UBASH3B: variants seen among roughly 807,000 people sequenced by gnomAD.
UBASH3B encodes ubiquitin-associated and SH3 domain-containing protein B.
UBASH3B carries 37 observed loss-of-function variants against 83.4 expected under a neutral mutation model. The observed-to-expected ratio is 0.44, with a 90% CI of 0.34 to 0.58. The LOEUF (loss-of-function observed/expected upper bound fraction) is 0.58. Ranked by LOEUF, UBASH3B falls within the 20% of genes least tolerant of loss-of-function variation. UBASH3B has a pLI of 0.01. For synonymous variants in UBASH3B, 304 were observed against 318.3 expected (o/e 0.96, Z 0.48); for missense variants, 657 against 827.2 (o/e 0.79, Z 2.52).
At chr11:122,710,870 G>C (rs1372632586) in intron 1 of UBASH3B, among the ~76,000 whole-genome samples, 1 of 152,096 alleles carries the variant, frequency 6.6e-6, no homozygotes, top group African/African-American at 2.4e-5. Flanking sequence ...GGTGGTGGGG[G>C]TGGAGATGGT....
At chr11:122,807,712 A>C (rs1387380307) in intron 12 of UBASH3B, among the ~76,000 whole-genome samples, 1 of 151,952 alleles carries the variant, frequency 6.6e-6, no homozygotes, top group African/African-American at 2.4e-5. Context: ...CACCACACCC[A>C]GCTAATTTTT....
chr11:122,666,031 G>A (rs1320577775), intron 1 of UBASH3B, among the ~76,000 whole-genome samples: 2 of 152,194 alleles, frequency 1.3e-5, no homozygotes, highest in African/African-American at 2.4e-5. Flanking sequence ...GGCTGTTCTC[G>A]TGCAGAGTGG....
chr11:122,696,730 A>C (rs558559213), intron 1 of UBASH3B, among the ~76,000 whole-genome samples: 6 of 152,360 alleles, frequency 3.9e-5, no homozygotes, highest in African/African-American at 1.4e-4. Context: ...CAGCCACATC[A>C]GAGCAGAATT....
intron 6 of UBASH3B, among the ~76,000 whole-genome samples, chr11:122,791,370 AC>A (rs1861050551): frequency 6.6e-6 from 1 of 152,206 alleles, no homozygotes; most frequent in Non-Finnish European, 1.5e-5. Context: ...TAATAATTGC[AC>A]TTACCTCATA....
chr11:122,806,824 G>C lies in UBASH3B; in HGVS notation c.1702+308G>C, dbSNP rs1035783325. 1.3e-5 allele frequency among the ~76,000 whole-genome samples: 2 copies of C among 152,124 alleles called. No homozygotes were observed. Among genetic ancestry groups the C allele is most frequent in the Admixed American group, 1.3e-4 (2 of 15,264 alleles). On this transcript the variant is annotated intron_variant, in intron 12 of 13. Coordinates refer to ENST00000284273, the MANE Select transcript of UBASH3B (RefSeq NM_032873.5). This position sits in a 1 kb window ranked among gnomAD's most constrained non-coding sequence, Gnocchi z 4.0. ...TTTCCAAAAGCTCTAGCATGCCACT[G>C]TTTTGCCTATAATTGATGCAGCGGC...
At chr11:122,715,407 G>A (rs1860503289) in intron 1 of UBASH3B, among the ~76,000 whole-genome samples, 1 of 152,242 alleles carries the variant, frequency 6.6e-6, no homozygotes, top group Non-Finnish European at 1.5e-5. Flanking sequence ...TAGCGCTGCT[G>A]TCAGTGTCTG....
At chr11:122,732,211 C>G (rs1310504947) in intron 1 of UBASH3B, among the ~76,000 whole-genome samples, 1 of 152,090 alleles carries the variant, frequency 6.6e-6, no homozygotes, top group African/African-American at 2.4e-5. Flanking sequence ...CTGGTACCCC[C>G]ACAGAAGCCA....
At chr11:122,745,566 C>A (rs1046170769) in intron 1 of UBASH3B, among the ~76,000 whole-genome samples, 1 of 152,204 alleles carries the variant, frequency 6.6e-6, no homozygotes, top group Non-Finnish European at 1.5e-5. Flanking sequence ...CTTTTTCTGG[C>A]TATTGGGAGA....
intron 1 of UBASH3B, among the ~76,000 whole-genome samples, chr11:122,769,400 G>A (rs1338716793): frequency 6.6e-6 from 1 of 152,146 alleles, no homozygotes; most frequent in Non-Finnish European, 1.5e-5. Context: ...CATGAGACTT[G>A]GTGGGGTCAA....
At chr11:122,699,075 C>T (rs528862316) in intron 1 of UBASH3B, among the ~76,000 whole-genome samples, 34 of 152,292 alleles carry the variant, frequency 2.2e-4, no homozygotes, top group Non-Finnish European at 4.0e-4. Context: ...GTCTCGAACT[C>T]CTGACCTCAG....
intron 11 of UBASH3B, among the ~76,000 whole-genome samples, chr11:122,803,814 C>T (rs1433192683): frequency 6.6e-6 from 1 of 152,018 alleles, no homozygotes; most frequent in Non-Finnish European, 1.5e-5. Context: ...TCGGGGATGC[C>T]ACCTGACTTC....
At chr11:122,750,734 C>T (rs140203867) in intron 1 of UBASH3B, among the ~76,000 whole-genome samples, 17 of 152,236 alleles carry the variant, frequency 1.1e-4, no homozygotes, top group African/African-American at 3.6e-4. Context: ...TGATTGCTTG[C>T]GTTTTAAGAT....
In UBASH3B at chr11:122,806,613, A is replaced by T; in HGVS notation, c.1702+97A>T. 1 of 1,363,886 alleles carries T rather than the reference A, an allele frequency of 7.3e-7. No individual in the cohort carries two copies. Among genetic ancestry groups the T allele is most frequent in the Non-Finnish European group, 9.5e-7 (1 of 1,054,118 alleles). The allele number at this position is 1,363,886 out of a possible 1,614,324, so 84.5% of individuals were successfully genotyped here. A position where few individuals can be genotyped will look rare whatever the true frequency, so the allele number is the denominator to read the frequency against. The stretch of plus-strand genomic sequence containing the variant: ...AAGATGTTTCAACTTGCTTTGGCTA[A>T]CCAAAGAAATGTATTTCCAGATTTT... On this transcript the variant is annotated intron_variant, in intron 12 of 13. Transcript: ENST00000284273. This position sits in a 1 kb window ranked among gnomAD's most constrained non-coding sequence, Gnocchi z 4.0.
intron 1 of UBASH3B, among the ~76,000 whole-genome samples, chr11:122,662,306 T>C (rs994673950): frequency 6.6e-6 from 1 of 152,184 alleles, no homozygotes; most frequent in Non-Finnish European, 1.5e-5. Context: ...ACTGTACCTG[T>C]GTGATTACCT....
At chr11:122,748,737 C>T (rs1321716317) in intron 1 of UBASH3B, among the ~76,000 whole-genome samples, 1 of 152,174 alleles carries the variant, frequency 6.6e-6, no homozygotes, top group East Asian at 1.9e-4. Flanking sequence ...AAATGCAAGG[C>T]CTGCTGCCCA....
At chr11:122,700,604 C>T (rs1864029850) in intron 1 of UBASH3B, among the ~76,000 whole-genome samples, 1 of 145,922 alleles carries the variant, frequency 6.9e-6, no homozygotes, top group Non-Finnish European at 1.5e-5. Context: ...TCAAACAATT[C>T]TCCTGCCTCA....
chr11:122,660,105 G>A (rs1232632168), intron 1 of UBASH3B, among the ~76,000 whole-genome samples: 2 of 152,190 alleles, frequency 1.3e-5, no homozygotes, highest in African/African-American at 4.8e-5. Flanking sequence ...GAGGGCTGCA[G>A]GGCTGGCTCA....
At chr11:122,689,802 G>A (rs1310998649) in intron 1 of UBASH3B, among the ~76,000 whole-genome samples, 1 of 152,142 alleles carries the variant, frequency 6.6e-6, no homozygotes, top group Non-Finnish European at 1.5e-5. Flanking sequence ...TAATTTGCTG[G>A]AGCGGCTCAC....
intron 1 of UBASH3B, among the ~76,000 whole-genome samples, chr11:122,677,843 C>T (rs1016432988): frequency 6.6e-6 from 1 of 152,178 alleles, no homozygotes; most frequent in Non-Finnish European, 1.5e-5. Flanking sequence ...AGAATCTTGG[C>T]TCACCACAAC....
Sources: gnomAD v4.1 joint callset for allele counts (sites outside exome capture counted in the v4.1 genomes callset) on GRCh38, gnomAD v4.1.1 for gene constraint, Gnocchi (gnomAD v3.1) non-coding constraint, MANE v1.5 for transcripts, NCBI Gene and HGNC (gene_info 2026-07-23, HGNC 2026-07-21) for gene names.